The following THSD7B variants were observed in gnomAD, a reference collection of about 807,000 sequenced individuals.
The protein encoded by THSD7B is thrombospondin type 1 domain containing 7B.
THSD7B carries 138 observed loss-of-function variants against 213.6 expected under a neutral mutation model. That is an observed-to-expected ratio of 0.65 (90% CI 0.56 to 0.74). THSD7B has a LOEUF of 0.74. Among genes scored for constraint, THSD7B ranks in the 30% least tolerant of loss-of-function variants. The probability of loss-of-function intolerance (pLI) is 0.00; values close to 1 mark genes in which losing one functional copy is unlikely to be tolerated. For synonymous variants in THSD7B, 742 were observed against 687.0 expected (o/e 1.08, Z -1.25); for missense variants, 1,931 against 1,991.5 (o/e 0.97, Z 0.58).
chr2:137,110,378 A>C lies in THSD7B; in HGVS notation c.1200-4746A>C, dbSNP rs115527782. On this transcript the variant is annotated intron_variant, in intron 4 of 27. Transcript: ENST00000409968. Reference sequence around the variant, plus strand: ...TCTTTGTCTAGTCAACCTGCTTTTTAGCACTTTTCAGGCTTCAGTCTTCCA... The same window carrying C: ...TCTTTGTCTAGTCAACCTGCTTTTTCGCACTTTTCAGGCTTCAGTCTTCCA... 8.6e-3 allele frequency among the ~76,000 whole-genome samples: 1,305 copies of C among 152,304 alleles called. 16 individuals carry two copies. The highest frequency in any genetic ancestry group is 0.03 in the African/African-American group (1,250 of 41,560).
At position 137,584,777 on chromosome 2, in the gene THSD7B, G is replaced by A. The variant is rs190450513; in HGVS notation, c.3423+12221G>A. 3.5e-3 allele frequency among the ~76,000 whole-genome samples: 528 copies of A among 152,278 alleles called. 3 individuals are homozygous for A. The highest frequency in any genetic ancestry group is 0.012 in the African/African-American group (500 of 41,542). On this transcript the variant is annotated intron_variant, in intron 17 of 27. Transcript: ENST00000409968. ...GGATTTTTGCATCGATGTTCATAAG[G>A]GATATTGGTCTAAAATTCTCTTTTT... is the stretch of plus-strand genomic sequence containing the variant.
intron 3 of THSD7B, among the ~76,000 whole-genome samples, chr2:137,067,992 GT>G (rs1558906607): frequency 6.6e-6 from 1 of 152,036 alleles, no homozygotes; most frequent in Non-Finnish European, 1.5e-5. Flanking sequence ...CCTCCAGTAA[GT>G]TGTCAATCAT....
chr2:137,524,379 C>A (rs1392205573), intron 15 of THSD7B, among the ~76,000 whole-genome samples: 1 of 152,106 alleles, frequency 6.6e-6, no homozygotes, highest in Non-Finnish European at 1.5e-5. Flanking sequence ...GGGCCCTCTG[C>A]AGGTTAGAGC....
intron 1 of THSD7B, among the ~76,000 whole-genome samples, chr2:136,800,841 C>G (rs928321395): frequency 6.6e-6 from 1 of 151,792 alleles, no homozygotes; most frequent in African/African-American, 2.4e-5. Context: ...TTTCTTGCAT[C>G]TCAGATAACA....
intron 2 of THSD7B, among the ~76,000 whole-genome samples, chr2:137,008,260 A>G (rs1686153679): frequency 6.6e-6 from 1 of 152,152 alleles, no homozygotes; most frequent in Non-Finnish European, 1.5e-5. Context: ...ATGGGTGGAA[A>G]TGCATCTTAA....
intron 1 of THSD7B, among the ~76,000 whole-genome samples, chr2:136,790,979 C>T (rs572313739): frequency 6.6e-6 from 1 of 152,062 alleles, no homozygotes; most frequent in East Asian, 1.9e-4. Context: ...ACCAGTGTGC[C>T]AGCTACTGGG....
chr2:137,061,560 T>C (rs1687273037), intron 3 of THSD7B, among the ~76,000 whole-genome samples: 1 of 151,600 alleles, frequency 6.6e-6, no homozygotes, highest in Admixed American at 6.6e-5. Flanking sequence ...TCTGAGAATT[T>C]TCCTTATAAA....
intron 1 of THSD7B, among the ~76,000 whole-genome samples, chr2:136,788,066 G>A (rs909021996): frequency 3.3e-5 from 5 of 152,178 alleles, no homozygotes; most frequent in African/African-American, 1.2e-4. Context: ...AGGCAGGATC[G>A]TGTTGAAGCC....
At chr2:137,404,769 A>G (rs1469903314) in intron 12 of THSD7B, among the ~76,000 whole-genome samples, 1 of 151,916 alleles carries the variant, frequency 6.6e-6, no homozygotes, top group East Asian at 1.9e-4. Context: ...AAAACCAAAC[A>G]TCATATGCTC....
At chr2:137,596,019 G>T (rs1184188447) in intron 17 of THSD7B, among the ~76,000 whole-genome samples, 2 of 151,852 alleles carry the variant, frequency 1.3e-5, no homozygotes, top group Non-Finnish European at 2.9e-5. Flanking sequence ...AAAACAGAGA[G>T]CTATACAAAA....
chr2:137,012,634 T>C (rs1203595941), intron 2 of THSD7B, among the ~76,000 whole-genome samples: 2 of 152,228 alleles, frequency 1.3e-5, no homozygotes, highest in African/African-American at 4.8e-5. Flanking sequence ...CAGGCAATTA[T>C]TGAATGTTGG....
At chr2:137,063,492 T>C (rs1687317845) in intron 3 of THSD7B, among the ~76,000 whole-genome samples, 1 of 151,962 alleles carries the variant, frequency 6.6e-6, no homozygotes. Context: ...GTAAATGGAG[T>C]ATTTATCACC....
chr2:137,564,088 T>A (rs759499828), intron 16 of THSD7B, among the ~76,000 whole-genome samples: 8 of 152,222 alleles, frequency 5.3e-5, no homozygotes, highest in Non-Finnish European at 8.8e-5. Context: ...ATGATTAGTA[T>A]GTAAAATAAA....
chr2:137,317,972 A>T (rs1224120991), intron 12 of THSD7B, among the ~76,000 whole-genome samples: 1 of 152,148 alleles, frequency 6.6e-6, no homozygotes, highest in Non-Finnish European at 1.5e-5. Flanking sequence ...GTTTAGTTGC[A>T]GCTATTCCTG....
intron 1 of THSD7B, among the ~76,000 whole-genome samples, chr2:136,866,830 C>G (rs1280064354): frequency 1.3e-5 from 2 of 152,134 alleles, no homozygotes; most frequent in African/African-American, 2.4e-5. Flanking sequence ...TAGAAGAAAG[C>G]TGGGTTTCTA....
chr2:137,421,519 G>T (rs531260972), intron 14 of THSD7B, among the ~76,000 whole-genome samples: 4 of 152,262 alleles, frequency 2.6e-5, no homozygotes, highest in African/African-American at 9.6e-5. Context: ...GAGACAAGAG[G>T]GGCATGGGGG....
At chr2:137,035,249 A>T (rs139300590) in intron 2 of THSD7B, among the ~76,000 whole-genome samples, 1 of 152,232 alleles carries the variant, frequency 6.6e-6, no homozygotes, top group African/African-American at 2.4e-5. Flanking sequence ...AACCATACCC[A>T]TCTCTTTTCT....
intron 14 of THSD7B, among the ~76,000 whole-genome samples, chr2:137,442,869 G>A (rs1160439127): frequency 3.9e-5 from 6 of 152,118 alleles, no homozygotes. Context: ...AAGGCAAGAA[G>A]ATGTAATGAG....
At chr2:137,473,798 T>C (rs911973007) in intron 15 of THSD7B, among the ~76,000 whole-genome samples, 4 of 152,204 alleles carry the variant, frequency 2.6e-5, no homozygotes, top group Non-Finnish European at 5.9e-5. Context: ...TTTATGATTA[T>C]GAAAATAGTT....
Sources: gnomAD v4.1 joint callset for allele counts (sites outside exome capture counted in the v4.1 genomes callset) on GRCh38, gnomAD v4.1.1 for gene constraint, MANE v1.5 for transcripts, NCBI Gene and HGNC (gene_info 2026-07-23, HGNC 2026-07-21) for gene names.